The following NDST4 variants were observed in gnomAD, a reference collection of about 807,000 sequenced individuals.
NDST4 encodes the protein N-heparan sulfate sulfotransferase 4.
A neutral mutation model predicts 100.8 loss-of-function variants in NDST4; 63 were observed. The ratio of observed to expected loss-of-function variants is 0.62; its 90% confidence interval spans 0.51 to 0.77. The LOEUF (loss-of-function observed/expected upper bound fraction) is 0.77. Ranked by LOEUF, NDST4 falls within the 30% of genes least tolerant of loss-of-function variation. The pLI, the probability that NDST4 is intolerant of heterozygous loss-of-function variation, is 0.00. For missense variants in NDST4, 943 were observed against 1,018.4 expected (o/e 0.93, Z 1.01); for synonymous variants, 377 against 361.8 (o/e 1.04, Z -0.48).
intron 6 of NDST4, among the ~76,000 whole-genome samples, chr4:114,877,507 G>A (rs2389040): frequency 0.086 from 13,050 of 152,144 alleles, 1,638 homozygotes; most frequent in African/African-American, 0.27. Flanking sequence ...TAGATGCCAA[G>A]TTTTTCACAA....
chr4:115,078,061 TC>T (rs1379805715), intron 1 of NDST4, among the ~76,000 whole-genome samples: 2 of 152,202 alleles, frequency 1.3e-5, no homozygotes, highest in Non-Finnish European at 2.9e-5. Context: ...CTCTATCACT[TC>T]CTTTAGTTCA....
intron 1 of NDST4, among the ~76,000 whole-genome samples, chr4:115,086,316 G>T (rs1729409322): frequency 2.0e-5 from 3 of 151,956 alleles, no homozygotes. Context: ...CAAAATAGAG[G>T]TACAAAGTAA....
chr4:114,852,789 G>A lies in NDST4; in HGVS notation c.1752C>T (p.Ile584=). ...GGTCACAAGTTTTCTCTCTGGACCA[G>A]ATGTCTTTGTGTCGTTTATCATCAC... ...NPCDDKRHKD[I]WSREKTCDHL... is the part of the protein sequence containing the mutation. Residue 584 remains isoleucine, a synonymous_variant, in exon 8 of 14, where the codon ATC becomes ATT. Transcript: ENST00000264363. The A allele has an allele frequency of 6.2e-7, 1 of 1,612,640 alleles. No individual in the cohort carries two copies. The highest frequency in any genetic ancestry group is 1.1e-5 in the South Asian group (1 of 90,848).
chr4:114,958,025 A>T (rs1007534032), intron 4 of NDST4, among the ~76,000 whole-genome samples: 2 of 152,092 alleles, frequency 1.3e-5, no homozygotes, highest in African/African-American at 4.8e-5. Flanking sequence ...CCATTGGTGG[A>T]TCTACCATTC....
In NDST4 at chr4:115,076,798, A is replaced by C. The variant is rs1295737511; in HGVS notation, c.239T>G (p.Val80Gly). Residue 80 changes from valine (V) to glycine (G), a missense_variant, in exon 2 of 14, where the codon GTC (valine) becomes GGC (glycine). Physicochemically the swap from Val to Gly is moderately radical, Grantham distance 109. Coordinates refer to ENST00000264363, the MANE Select transcript of NDST4 (RefSeq NM_022569.3). Reference sequence around the variant, plus strand: ...GTATTGGCTCTCCACGAAGAGAAGGACAGTAGGGTCCGTTTTGGATGTGTC... The same window carrying C: ...GTATTGGCTCTCCACGAAGAGAAGGCCAGTAGGGTCCGTTTTGGATGTGTC... ...PIDTSKTDPT[V>G]LLFVESQYSQ... 6.2e-7 allele frequency: 1 copy of C among 1,613,942 alleles called. No individual in the cohort carries two copies. The highest frequency in any genetic ancestry group is 8.5e-7 in the Non-Finnish European group (1 of 1,179,912).
intron 9 of NDST4, among the ~76,000 whole-genome samples, chr4:114,847,950 C>T (rs1339565727): frequency 6.6e-6 from 1 of 152,086 alleles, no homozygotes; most frequent in Non-Finnish European, 1.5e-5. Context: ...TTTAAATACC[C>T]TTATGAATAA....
intron 2 of NDST4, among the ~76,000 whole-genome samples, chr4:115,001,354 A>G (rs976746514): frequency 1.3e-5 from 2 of 152,094 alleles, no homozygotes; most frequent in African/African-American, 4.8e-5. Flanking sequence ...ACCCAAAGAC[A>G]GAATGTTAGA....
At chr4:115,110,281 C>T (rs1455261280) in intron 1 of NDST4, among the ~76,000 whole-genome samples, 2 of 151,902 alleles carry the variant, frequency 1.3e-5, no homozygotes, top group African/African-American at 4.8e-5. Flanking sequence ...CCCTGCATAA[C>T]AGCATAGCTG....
intron 2 of NDST4, among the ~76,000 whole-genome samples, chr4:115,047,522 A>C (rs1461599523): frequency 1.3e-5 from 2 of 152,160 alleles, no homozygotes; most frequent in Admixed American, 1.3e-4. Context: ...AAGGTAATTA[A>C]ATTACATCCA....
rs74401137 is a variant in NDST4 at position 114,982,572 on chromosome 4, A to G, written c.979-5298T>C. Among the ~76,000 whole-genome samples, 839 of 152,256 alleles carry G rather than the reference A, an allele frequency of 5.5e-3. 9 individuals are homozygous for G. Among genetic ancestry groups the G allele is most frequent in the African/African-American group, 0.019 (805 of 41,552 alleles). ...CTAACTCATTTGCATAAAGAAAGAG[A>G]TGGTCTGAAATGGGAACTTATATTT... On this transcript the variant is annotated intron_variant, in intron 2 of 13. Transcript: ENST00000264363.
chr4:115,036,722 G>A (rs1159842455), intron 2 of NDST4, among the ~76,000 whole-genome samples: 2 of 151,858 alleles, frequency 1.3e-5, no homozygotes, highest in Non-Finnish European at 2.9e-5. Flanking sequence ...AATGGTACAT[G>A]AGTAATTTAC....
intron 4 of NDST4, among the ~76,000 whole-genome samples, chr4:114,962,223 T>C (rs1560832617): frequency 6.6e-6 from 1 of 152,112 alleles, no homozygotes; most frequent in Non-Finnish European, 1.5e-5. Flanking sequence ...AAAGACTGCA[T>C]ACTTTCCCCT....
intron 2 of NDST4, among the ~76,000 whole-genome samples, chr4:115,001,228 T>C (rs1299458421): frequency 3.9e-5 from 6 of 152,136 alleles, no homozygotes; most frequent in Non-Finnish European, 5.9e-5. Context: ...TTTCTGGCAT[T>C]GCATGAGGTC....
Position 115,009,032 on chromosome 4 carries a change from A to G in NDST4, c.979-31758T>C, listed in dbSNP as rs960519649. 7.1e-5 allele frequency among the ~76,000 whole-genome samples: 9 copies of G among 126,328 alleles called. 3 individuals carry two copies. The highest frequency in any genetic ancestry group is 1.4e-4 in the Non-Finnish European group (8 of 59,220). 82.9% of individuals were successfully genotyped at this position (126,328 alleles called of 152,430 possible). A position where few individuals can be genotyped will look rare whatever the true frequency, so the allele number is the denominator to read the frequency against. ...ACAAACCACTGCTCAATGAAATAAA[A>G]GAGGATACAAAGAAATGGAAGAACA... On this transcript the variant is annotated intron_variant, in intron 2 of 13. Transcript: ENST00000264363.
rs116307253 is a variant in NDST4 at position 114,872,539 on chromosome 4, A to G, written c.1537-1589T>C. On this transcript the variant is annotated intron_variant, in intron 6 of 13. Transcript: ENST00000264363. ...AAAATATCTGAAGAAAACCTATTAA[A>G]ATGATCAAAGTCACACCTCATCATG... 4.4e-3 allele frequency among the ~76,000 whole-genome samples: 670 copies of G among 152,074 alleles called. 2 individuals are homozygous for G. Among genetic ancestry groups the G allele is most frequent in the Non-Finnish European group, 6.5e-3 (440 of 67,888 alleles).
chr4:114,841,479 C>T (rs765802803), intron 10 of NDST4, among the ~76,000 whole-genome samples: 7 of 152,096 alleles, frequency 4.6e-5, no homozygotes, highest in Admixed American at 2.0e-4. Context: ...CCTTTCAAAC[C>T]TGTATGTATG....
rs140616665 is a variant in NDST4, at chr4:115,060,871, T to C, written c.978+15188A>G. Among the ~76,000 whole-genome samples, 44 of 152,148 alleles carry C rather than the reference T, an allele frequency of 2.9e-4. No homozygotes were observed. The East Asian group carries it at 7.0e-3, about 24-fold the overall frequency. On this transcript the variant is annotated intron_variant, in intron 2 of 13. Coordinates refer to ENST00000264363, the MANE Select transcript of NDST4 (RefSeq NM_022569.3). The stretch of plus-strand genomic sequence containing the variant: ...CACAAATGACATTACAGAAAGGAAA[T>C]GAGCTAATTTTCTTCTTTCAATTAG...
At chr4:114,883,866 T>C (rs920531613) in intron 6 of NDST4, among the ~76,000 whole-genome samples, 8 of 152,110 alleles carry the variant, frequency 5.3e-5, no homozygotes, top group Non-Finnish European at 4.4e-5. Context: ...CAGTTCACAA[T>C]AGGGTTCATG....
At chr4:115,087,147 G>T (rs1261084047) in intron 1 of NDST4, among the ~76,000 whole-genome samples, 1 of 151,910 alleles carries the variant, frequency 6.6e-6, no homozygotes, top group Non-Finnish European at 1.5e-5. Flanking sequence ...GTTTCCTCAG[G>T]ACCTTACTTA....
Sources: gnomAD v4.1 joint callset for allele counts (sites outside exome capture counted in the v4.1 genomes callset) on GRCh38, gnomAD v4.1.1 for gene constraint, MANE v1.5 for transcripts, NCBI Gene and HGNC (gene_info 2026-07-23, HGNC 2026-07-21) for gene names.